The following PTPRN2 variants were observed in gnomAD, a reference collection of about 807,000 sequenced individuals.
PTPRN2 encodes protein tyrosine phosphatase receptor type N2, also known as receptor-type tyrosine-protein phosphatase N2.
Under a neutral mutation model 118.8 loss-of-function variants are expected in PTPRN2, and 74 were observed. That is an observed-to-expected ratio of 0.62 (90% CI 0.52 to 0.76). The LOEUF (loss-of-function observed/expected upper bound fraction) is 0.76. Ranked by LOEUF, PTPRN2 falls within the 30% of genes least tolerant of loss-of-function variation. The pLI is 0.00. For missense variants in PTPRN2, 1,481 were observed against 1,394.4 expected, an observed-to-expected ratio of 1.06 and a Z score of -0.99; for synonymous variants, 641 against 608.0, an observed-to-expected ratio of 1.05 and a Z score of -0.80.
intron 2 of PTPRN2, among the ~76,000 whole-genome samples, chr7:158,324,296 C>T (rs1170538526): frequency 2.0e-5 from 3 of 152,200 alleles, no homozygotes; most frequent in Non-Finnish European, 2.9e-5. Context: ...TGGTACAGTG[C>T]CTTGCCCCCG....
intron 10 of PTPRN2, among the ~76,000 whole-genome samples, chr7:158,091,593 T>G (rs994031059): frequency 6.6e-6 from 1 of 151,656 alleles, no homozygotes; most frequent in Non-Finnish European, 1.5e-5. Flanking sequence ...GGATAGGTGA[T>G]AGATGGATGG....
At chr7:158,055,016 G>A (rs1156446022) in intron 11 of PTPRN2, among the ~76,000 whole-genome samples, 3 of 152,208 alleles carry the variant, frequency 2.0e-5, no homozygotes, top group Non-Finnish European at 2.9e-5. Context: ...CAGGTGCCGA[G>A]GCAAGAGACT....
At chr7:157,829,303 C>T (rs1312783009) in intron 12 of PTPRN2, among the ~76,000 whole-genome samples, 2 of 152,122 alleles carry the variant, frequency 1.3e-5, no homozygotes, top group Admixed American at 1.3e-4. Context: ...AACACGGTGG[C>T]GCAAAAGAGA....
chr7:158,343,410 A>T lies in PTPRN2; in HGVS notation c.164-26478T>A, dbSNP rs1373245850. On this transcript the variant is annotated intron_variant, in intron 2 of 22. Coordinates refer to ENST00000389418, the MANE Select transcript of PTPRN2 (RefSeq NM_002847.5). The stretch of plus-strand genomic sequence containing the variant: ...AACGAAACGAAGCAAAACCGAAAAT[A>T]ACGCGTGTGGGTGAGAACATGGAGA... Among the ~76,000 whole-genome samples, 5 of 152,172 alleles carry T rather than the reference A, an allele frequency of 3.3e-5. 1 individual carries two copies. The highest frequency in any genetic ancestry group is 2.0e-4 in the Admixed American group (3 of 15,276).
intron 4 of PTPRN2, among the ~76,000 whole-genome samples, chr7:158,203,356 T>C (rs1194089820): frequency 6.6e-6 from 1 of 151,770 alleles, no homozygotes; most frequent in Non-Finnish European, 1.5e-5. Flanking sequence ...ATCTCACTTA[T>C]AACTCATAAA....
chr7:158,510,787 G>T (rs1251992595), intron 1 of PTPRN2, among the ~76,000 whole-genome samples: 2 of 152,246 alleles, frequency 1.3e-5, no homozygotes, highest in Non-Finnish European at 2.9e-5. Context: ...AAGCCGACAG[G>T]TCGGATGTGA....
chr7:157,781,011 C>T (rs1001012347), intron 12 of PTPRN2, among the ~76,000 whole-genome samples: 1 of 152,224 alleles, frequency 6.6e-6, no homozygotes, highest in African/African-American at 2.4e-5. Flanking sequence ...CACAATCACC[C>T]CACATCCTGG....
At chr7:158,137,860 G>C (rs1369599849) in intron 7 of PTPRN2, among the ~76,000 whole-genome samples, 1 of 152,202 alleles carries the variant, frequency 6.6e-6, no homozygotes, top group East Asian at 1.9e-4. Context: ...CCGGATGCCT[G>C]CCGGGGTAGT....
chr7:157,826,242 G>A (rs1444476597), intron 12 of PTPRN2, among the ~76,000 whole-genome samples: 8 of 130,032 alleles, frequency 6.2e-5, no homozygotes, highest in Non-Finnish European at 8.1e-5. Flanking sequence ...CCATTTCCAC[G>A]CGTGCTGTGC....
intron 12 of PTPRN2, among the ~76,000 whole-genome samples, chr7:157,736,516 C>A (rs148847494): frequency 3.9e-5 from 6 of 152,240 alleles, no homozygotes; most frequent in Non-Finnish European, 7.4e-5. Context: ...TCCACAAGCC[C>A]GGGAGAGAGG....
intron 3 of PTPRN2, among the ~76,000 whole-genome samples, chr7:158,220,595 AAATCAAGAATGC>A (rs1296884606): frequency 6.6e-6 from 1 of 152,170 alleles, no homozygotes; most frequent in Non-Finnish European, 1.5e-5. Flanking sequence ...GCTGAAATCC[AAATCAAGAATGC>A]AATCCCATTT....
chr7:158,324,863 C>T (rs1803357490), intron 2 of PTPRN2, among the ~76,000 whole-genome samples: 1 of 152,154 alleles, frequency 6.6e-6, no homozygotes, highest in African/African-American at 2.4e-5. Flanking sequence ...GTACTCTTGC[C>T]ACACTTTGCT....
At chr7:157,737,306 C>T (rs545399993) in intron 12 of PTPRN2, among the ~76,000 whole-genome samples, 1 of 152,360 alleles carries the variant, frequency 6.6e-6, no homozygotes, top group South Asian at 2.1e-4. Flanking sequence ...ACGCGGCCCC[C>T]AGCAGTGTTC....
intron 3 of PTPRN2, among the ~76,000 whole-genome samples, chr7:158,224,144 G>T (rs915837850): frequency 6.6e-6 from 1 of 152,166 alleles, no homozygotes; most frequent in African/African-American, 2.4e-5. Flanking sequence ...CATGTTGGTA[G>T]ATCAGAAGAT....
At chr7:157,931,145 G>C (rs1198115527) in intron 11 of PTPRN2, among the ~76,000 whole-genome samples, 1 of 152,250 alleles carries the variant, frequency 6.6e-6, no homozygotes, top group African/African-American at 2.4e-5. Flanking sequence ...TTGTGCAGAA[G>C]GGCACCCACG....
intron 12 of PTPRN2, among the ~76,000 whole-genome samples, chr7:157,771,965 C>G (rs116135743): frequency 0.063 from 8,697 of 137,854 alleles, 275 homozygotes; most frequent in Middle Eastern, 0.081. Context: ...TACAGACAGA[C>G]ACACACACAT....
intron 1 of PTPRN2, among the ~76,000 whole-genome samples, chr7:158,518,268 G>T (rs550260720): frequency 6.6e-6 from 1 of 152,124 alleles, no homozygotes; most frequent in African/African-American, 2.4e-5. Context: ...ATTTCACAGG[G>T]TGGGAGAAGG....
At position 157,749,961 on chromosome 7, in the gene PTPRN2, G is replaced by A. The variant is rs566745070; in HGVS notation, c.1789-67024C>T. On this transcript the variant is annotated intron_variant, in intron 12 of 22. Transcript: ENST00000389418. ...GGGTGATTCTGAGGCCTGTGTCCCCGAGCTGTGGGCTGTTCACGTGATTCT... is the reference window on the plus strand; with the variant it reads ...GGGTGATTCTGAGGCCTGTGTCCCCAAGCTGTGGGCTGTTCACGTGATTCT... 1.9e-3 allele frequency among the ~76,000 whole-genome samples: 291 copies of A among 151,178 alleles called. 14 individuals carry two copies. The highest frequency in any genetic ancestry group is 2.1e-3 in the Non-Finnish European group (143 of 67,774).
Position 158,351,883 on chromosome 7 carries a change from T to TCCG in PTPRN2, c.164-34952_164-34951insCGG, listed in dbSNP as rs1563190213. Among the ~76,000 whole-genome samples, 113 of 80,166 alleles carry TCCG rather than the reference T, an allele frequency of 1.4e-3. 43 individuals are homozygous for TCCG. Among genetic ancestry groups the TCCG allele is most frequent in the Non-Finnish European group, 2.0e-3 (74 of 36,930 alleles). The allele number at this position is 80,166 out of a possible 152,430, so 52.6% of individuals were successfully genotyped here. A position where few individuals can be genotyped will look rare whatever the true frequency, so the allele number is the denominator to read the frequency against. On this transcript the variant is annotated intron_variant, in intron 2 of 22. Transcript: ENST00000389418. ...CACTCCCAGCCCAGCTCCCCTCCTG[T>TCCG]CTGCTCGCCTCCTGTCCGCTCCCCT...
Sources: allele counts gnomAD v4.1 joint callset (sites outside exome capture counted in the v4.1 genomes callset), GRCh38; gene constraint gnomAD v4.1.1; transcripts MANE v1.5; gene names NCBI Gene and HGNC (gene_info 2026-07-23, HGNC 2026-07-21).